The following ATXN7L1 variants were observed in gnomAD, a reference collection of about 807,000 sequenced individuals.
The protein encoded by ATXN7L1 is ataxin-7-like protein 1.
A neutral mutation model predicts 70.8 loss-of-function variants in ATXN7L1; 15 were observed. The ratio of observed to expected loss-of-function variants is 0.21; its 90% CI spans 0.14 to 0.33. The LOEUF (loss-of-function observed/expected upper bound fraction) is 0.33, where lower values mean the gene tolerates loss of function less well. Ranked by LOEUF, ATXN7L1 falls within the 10% of genes least tolerant of loss-of-function variation. ATXN7L1 has a pLI of 1.00. For synonymous variants in ATXN7L1, 440 were observed against 445.1 expected (o/e 0.99, Z 0.14); for missense variants, 975 against 1,097.1 (o/e 0.89, Z 1.57).
intron 3 of ATXN7L1, among the ~76,000 whole-genome samples, chr7:105,729,545 C>T (rs113214541): frequency 0.2 from 30,202 of 150,384 alleles, 3,252 homozygotes; most frequent in East Asian, 0.33. Context: ...TTCTCCTGCC[C>T]TAGCCTCCCA....
At chr7:105,828,149 C>A (rs1811127884) in intron 2 of ATXN7L1, among the ~76,000 whole-genome samples, 1 of 152,178 alleles carries the variant, frequency 6.6e-6, no homozygotes, top group Admixed American at 6.5e-5. Flanking sequence ...TTGACCCAGG[C>A]AGTGTGGCCC....
chr7:105,865,739 A>G (rs1168941493), intron 2 of ATXN7L1, among the ~76,000 whole-genome samples: 3 of 152,102 alleles, frequency 2.0e-5, no homozygotes, highest in Non-Finnish European at 4.4e-5. Flanking sequence ...TAGTTCTGTG[A>G]CATTAAGTAT....
chr7:105,695,595 A>C (rs1243525438), intron 3 of ATXN7L1, among the ~76,000 whole-genome samples: 2 of 152,234 alleles, frequency 1.3e-5, no homozygotes, highest in Non-Finnish European at 2.9e-5. Context: ...CAGGCCTGAC[A>C]GCTGTACATT....
At chr7:105,663,354 A>G (rs1802014498) in intron 4 of ATXN7L1, among the ~76,000 whole-genome samples, 1 of 152,196 alleles carries the variant, frequency 6.6e-6, no homozygotes, top group Non-Finnish European at 1.5e-5. Flanking sequence ...CCACTCCATC[A>G]CAAGAGGCTC....
intron 9 of ATXN7L1, among the ~76,000 whole-genome samples, chr7:105,619,165 T>TTTTTTTTA (rs869296716): frequency 5.0e-5 from 7 of 140,544 alleles, no homozygotes; most frequent in African/African-American, 8.0e-5. Context: ...TTTTTTTTTT[T>TTTTTTTTA]GAGACGGAGT....
intron 4 of ATXN7L1, among the ~76,000 whole-genome samples, chr7:105,655,385 C>G (rs546663558): frequency 6.6e-6 from 1 of 152,278 alleles, no homozygotes; most frequent in South Asian, 2.1e-4. Context: ...TGTAGGCAAA[C>G]AAGTGGGAGC....
Position 105,610,520 on chromosome 7 carries a change from G to A in ATXN7L1, c.2547+9C>T. ...AATTTTTGCCCCACCCCCACCCTCA[G>A]TAACTTACCTGTCGGCTGTGTCCTG... On this transcript the variant is annotated intron_variant, in intron 11 of 11. Transcript: ENST00000419735. The A allele has an allele frequency of 6.6e-7, 1 of 1,510,220 alleles. No individual in the cohort carries two copies. Among genetic ancestry groups the A allele is most frequent in the Non-Finnish European group, 9.0e-7 (1 of 1,112,458 alleles). 93.6% of individuals were successfully genotyped at this position (1,510,220 alleles called of 1,614,324 possible).
chr7:105,675,242 G>C (rs79533667), intron 3 of ATXN7L1, among the ~76,000 whole-genome samples: 1 of 152,120 alleles, frequency 6.6e-6, no homozygotes, highest in Non-Finnish European at 1.5e-5. Context: ...CTCAACCTAA[G>C]AAAATGTATG....
intron 3 of ATXN7L1, among the ~76,000 whole-genome samples, chr7:105,777,166 G>A (rs753560062): frequency 2.0e-5 from 3 of 152,174 alleles, no homozygotes; most frequent in Non-Finnish European, 4.4e-5. Flanking sequence ...AGTAATCAGT[G>A]CTATAGGTCA....
At position 105,740,784 on chromosome 7, in the gene ATXN7L1, T is replaced by TTTTTTTTTTTTTTTTTTTTG. The variant is rs556048408; in HGVS notation, c.355+47819_355+47820insCAAAAAAAAAAAAAAAAAAA. On this transcript the variant is annotated intron_variant, in intron 3 of 11. Coordinates refer to ENST00000419735, the MANE Select transcript of ATXN7L1 (RefSeq NM_020725.2). ...GGCTCCATTCATTTTTTTTTTTTTT[T>TTTTTTTTTTTTTTTTTTTTG]AATGGAGTCTCACTCTGTCGCCCAG... 1.3e-3 allele frequency among the ~76,000 whole-genome samples: 102 copies of TTTTTTTTTTTTTTTTTTTTG among 77,916 alleles called. 30 individuals carry two copies. Among genetic ancestry groups the TTTTTTTTTTTTTTTTTTTTG allele is most frequent in the African/African-American group, 4.5e-3 (74 of 16,352 alleles). The allele number at this position is 77,916 out of a possible 152,430, so 51.1% of individuals were successfully genotyped here.
chr7:105,850,104 T>C (rs911580405), intron 2 of ATXN7L1, among the ~76,000 whole-genome samples: 17 of 152,250 alleles, frequency 1.1e-4, no homozygotes, highest in African/African-American at 3.6e-4. Flanking sequence ...AAAATAACAA[T>C]GTATTTTCTG....
chr7:105,774,884 G>A (rs1374271846), intron 3 of ATXN7L1, among the ~76,000 whole-genome samples: 7 of 152,050 alleles, frequency 4.6e-5, no homozygotes, highest in Non-Finnish European at 1.5e-5. Context: ...TTCGGAATTT[G>A]AGAAAATAAT....
chr7:105,733,489 T>A (rs1265851686), intron 3 of ATXN7L1, among the ~76,000 whole-genome samples: 1 of 149,466 alleles, frequency 6.7e-6, no homozygotes, highest in Non-Finnish European at 1.5e-5. Flanking sequence ...GGTCCATCCA[T>A]CCACCCATCC....
intron 3 of ATXN7L1, among the ~76,000 whole-genome samples, chr7:105,774,135 C>T (rs986510936): frequency 2.6e-5 from 4 of 152,128 alleles, no homozygotes; most frequent in African/African-American, 9.7e-5. Flanking sequence ...CACCACCAAA[C>T]CCTAGGGACC....
chr7:105,804,971 T>G (rs1418566103), intron 2 of ATXN7L1, among the ~76,000 whole-genome samples: 1 of 152,088 alleles, frequency 6.6e-6, no homozygotes, highest in Admixed American at 6.5e-5. Flanking sequence ...AACTCTGAGG[T>G]CAGTTATGAA....
chr7:105,849,326 G>A (rs1814538191), intron 2 of ATXN7L1, among the ~76,000 whole-genome samples: 1 of 152,212 alleles, frequency 6.6e-6, no homozygotes, highest in Non-Finnish European at 1.5e-5. Flanking sequence ...CAGGTGGGGA[G>A]GGCTCTGGCA....
chr7:105,867,913 G>A (rs1221842170), intron 2 of ATXN7L1, among the ~76,000 whole-genome samples: 3 of 152,116 alleles, frequency 2.0e-5, no homozygotes, highest in South Asian at 2.1e-4. Flanking sequence ...CGCAAGATGC[G>A]GCTCAGCATC....
intron 2 of ATXN7L1, among the ~76,000 whole-genome samples, chr7:105,809,344 A>T (rs1270283424): frequency 6.6e-6 from 1 of 152,196 alleles, no homozygotes; most frequent in Non-Finnish European, 1.5e-5. Context: ...CCATAAGCAC[A>T]CTGTTGTAAA....
intron 3 of ATXN7L1, among the ~76,000 whole-genome samples, chr7:105,749,614 A>C (rs1798958570): frequency 6.8e-6 from 1 of 146,222 alleles, no homozygotes; most frequent in Non-Finnish European, 1.5e-5. Flanking sequence ...ACAGAGTGAG[A>C]CTCTGTCTCA....
Sources: allele counts gnomAD v4.1 joint callset (sites outside exome capture counted in the v4.1 genomes callset), GRCh38; gene constraint gnomAD v4.1.1; transcripts MANE v1.5; gene names NCBI Gene and HGNC (gene_info 2026-07-23, HGNC 2026-07-21).